PKIB: variants seen among roughly 807,000 people sequenced by gnomAD.
The protein encoded by PKIB is cAMP-dependent protein kinase inhibitor beta.
Under a neutral mutation model 4.5 loss-of-function variants are expected in PKIB, and 2 were observed. That is an observed-to-expected ratio of 0.44 (90% CI 0.18 to 1.39). The LOEUF (loss-of-function observed/expected upper bound fraction) is 1.39, where lower values mean the gene tolerates loss of function less well. PKIB is among the 40% of genes most tolerant of loss of function. PKIB has a pLI of 0.27. For synonymous variants in PKIB, 38 were observed against 36.0 expected (o/e 1.06, Z -0.20); for missense variants, 94 against 92.6 (o/e 1.02, Z -0.06).
intron 2 of PKIB, among the ~76,000 whole-genome samples, chr6:122,567,423 A>T (rs1486519023): frequency 1.3e-5 from 2 of 152,128 alleles, no homozygotes; most frequent in Admixed American, 1.3e-4. Flanking sequence ...CCTTGTTTCT[A>T]TTCCCCAGTC....
At chr6:122,545,476 A>G (rs1002090577) in intron 2 of PKIB, among the ~76,000 whole-genome samples, 2 of 151,784 alleles carry the variant, frequency 1.3e-5, no homozygotes, top group African/African-American at 4.8e-5. Flanking sequence ...GGGTACATGT[A>G]TAGGTTTGTT....
At chr6:122,650,362 C>G (rs1314435573) in intron 2 of PKIB, among the ~76,000 whole-genome samples, 1 of 152,152 alleles carries the variant, frequency 6.6e-6, no homozygotes, top group Non-Finnish European at 1.5e-5. Flanking sequence ...ATGATTTACA[C>G]TTTTTCTAAG....
At chr6:122,677,508 T>C (rs997060111) in intron 3 of PKIB, among the ~76,000 whole-genome samples, 1 of 152,204 alleles carries the variant, frequency 6.6e-6, no homozygotes, top group Non-Finnish European at 1.5e-5. Flanking sequence ...AAGTAAAGAA[T>C]GAAAATGATG....
At chr6:122,657,996 T>C (rs1171057769) in intron 2 of PKIB, among the ~76,000 whole-genome samples, 1 of 152,230 alleles carries the variant, frequency 6.6e-6, no homozygotes, top group Non-Finnish European at 1.5e-5. Flanking sequence ...TGGATTAAGC[T>C]CTTTATATCA....
At chr6:122,564,298 G>C (rs561827108) in intron 2 of PKIB, among the ~76,000 whole-genome samples, 1 of 152,130 alleles carries the variant, frequency 6.6e-6, no homozygotes, top group African/African-American at 2.4e-5. Context: ...AATTCACAAT[G>C]CAAGCTTCTG....
chr6:122,706,419 C>T (rs1371161776), intron 3 of PKIB, among the ~76,000 whole-genome samples: 1 of 152,102 alleles, frequency 6.6e-6, no homozygotes, highest in Admixed American at 6.6e-5. Context: ...TATCACAATG[C>T]TTAGTCTTAT....
At chr6:122,553,683 A>C (rs1276527659) in intron 2 of PKIB, among the ~76,000 whole-genome samples, 2 of 151,808 alleles carry the variant, frequency 1.3e-5, no homozygotes, top group Non-Finnish European at 2.9e-5. Flanking sequence ...GAACTCAGTA[A>C]AATTGTGAAA....
chr6:122,512,708 C>G (rs1776621530), intron 2 of PKIB, among the ~76,000 whole-genome samples: 1 of 152,094 alleles, frequency 6.6e-6, no homozygotes, highest in South Asian at 2.1e-4. Context: ...CACACTGAGA[C>G]TGTTGTTTTT....
intron 2 of PKIB, among the ~76,000 whole-genome samples, chr6:122,635,968 C>A (rs180985958): frequency 6.6e-6 from 1 of 152,064 alleles, no homozygotes; most frequent in South Asian, 2.1e-4. Flanking sequence ...TTTTAACCAA[C>A]GCAATAAATG....
chr6:122,508,595 T>C (rs903003101), intron 2 of PKIB, among the ~76,000 whole-genome samples: 3 of 152,128 alleles, frequency 2.0e-5, no homozygotes, highest in Non-Finnish European at 4.4e-5. Context: ...ATATGAGTTA[T>C]ATAGAAAGGA....
intron 2 of PKIB, among the ~76,000 whole-genome samples, chr6:122,581,104 A>C (rs1395638976): frequency 2.0e-5 from 3 of 152,168 alleles, no homozygotes; most frequent in Non-Finnish European, 4.4e-5. Flanking sequence ...AATATCAACT[A>C]ACTCTTCAAA....
chr6:122,570,850 T>C (rs1055957520), intron 2 of PKIB, among the ~76,000 whole-genome samples: 13 of 152,162 alleles, frequency 8.5e-5, no homozygotes, highest in Non-Finnish European at 1.5e-4. Flanking sequence ...AAGAGAGTTC[T>C]GTAACACCCC....
chr6:122,576,755 G>GA (rs1441162191), intron 2 of PKIB, among the ~76,000 whole-genome samples: 75 of 117,016 alleles, frequency 6.4e-4, no homozygotes, highest in Admixed American at 3.9e-3. Flanking sequence ...ATTTTAAAAA[G>GA]AAAAAAGTAA....
At chr6:122,492,400 T>C (rs1450608332) in intron 2 of PKIB, among the ~76,000 whole-genome samples, 3 of 152,146 alleles carry the variant, frequency 2.0e-5, no homozygotes, top group African/African-American at 4.8e-5. Context: ...CTATGGTTAC[T>C]TCGGGCTCTT....
intron 1 of PKIB, among the ~76,000 whole-genome samples, chr6:122,616,473 G>A (rs189118726): frequency 1.4e-4 from 21 of 152,190 alleles, no homozygotes; most frequent in African/African-American, 2.4e-5. Flanking sequence ...GAGACGGTTC[G>A]GTATGCAGGG....
intron 2 of PKIB, among the ~76,000 whole-genome samples, chr6:122,549,391 T>C (rs1235248729): frequency 1.3e-5 from 2 of 152,212 alleles, no homozygotes; most frequent in Non-Finnish European, 2.9e-5. Flanking sequence ...TTTCCCATGC[T>C]ACAATTTATA....
At chr6:122,569,362 A>G (rs2114688542) in intron 2 of PKIB, among the ~76,000 whole-genome samples, 1 of 152,294 alleles carries the variant, frequency 6.6e-6, no homozygotes, top group South Asian at 2.1e-4. Context: ...CAACCAAAAC[A>G]GTCCATTACA....
At chr6:122,632,144 GA>G (rs1007555673) in intron 1 of PKIB, among the ~76,000 whole-genome samples, 1 of 152,160 alleles carries the variant, frequency 6.6e-6, no homozygotes, top group African/African-American at 2.4e-5. Flanking sequence ...GAATTGGAAT[GA>G]AGAGTGAATT....
At chr6:122,617,623 T>C (rs1162696713) in intron 1 of PKIB, among the ~76,000 whole-genome samples, 1 of 152,192 alleles carries the variant, frequency 6.6e-6, no homozygotes. Flanking sequence ...ATGAAAACTT[T>C]TCATATTTTC....
Sources: allele counts gnomAD v4.1 joint callset (sites outside exome capture counted in the v4.1 genomes callset), GRCh38; gene constraint gnomAD v4.1.1; transcripts MANE v1.5; gene names NCBI Gene and HGNC (gene_info 2026-07-23, HGNC 2026-07-21).